The following PTK2 variants were observed in gnomAD, a reference collection of about 807,000 sequenced individuals.
PTK2 encodes protein tyrosine kinase 2.
PTK2 carries 45 observed loss-of-function variants against 150.1 expected under a neutral mutation model. The ratio of observed to expected loss-of-function variants is 0.30; its 90% CI spans 0.24 to 0.38. The LOEUF is 0.38. PTK2 is among the 10% of genes least tolerant of loss of function. The probability of loss-of-function intolerance (pLI) is 1.00; values close to 1 mark genes in which losing one functional copy is unlikely to be tolerated. For synonymous variants in PTK2, 432 were observed against 449.2 expected, an observed-to-expected ratio of 0.96 and a Z score of 0.48; for missense variants, 919 against 1,307.3, an observed-to-expected ratio of 0.70 and a Z score of 4.58.
chr8:140,751,999 A>G (rs1473162399), intron 17 of PTK2: 3 of 674,402 alleles, frequency 4.4e-6, no homozygotes, highest in Non-Finnish European at 8.3e-6. Flanking sequence ...TAAGTACCAA[A>G]GTATAAAGTA....
chr8:140,744,209 CAG>C (rs746650604), intron 19 of PTK2, among the ~76,000 whole-genome samples: 10 of 151,344 alleles, frequency 6.6e-5, no homozygotes, highest in Non-Finnish European at 1.5e-4. Context: ...AGGCTATAAA[CAG>C]AAATTCCACA....
intron 5 of PTK2, among the ~76,000 whole-genome samples, chr8:140,857,937 A>G (rs561561385): frequency 2.0e-5 from 3 of 152,368 alleles, no homozygotes; most frequent in East Asian, 3.9e-4. Flanking sequence ...GAAAGCCACC[A>G]ACAACAAACG....
intron 12 of PTK2, 43 bp from the exon 13 acceptor site, chr8:140,793,427 C>T (rs781395057): frequency 6.3e-7 from 1 of 1,593,766 alleles, no homozygotes; most frequent in Admixed American, 1.8e-5. Context: ...TCTTTTCACT[C>T]CTTTTGAAAA....
chr8:140,744,711 C>A lies in PTK2; in HGVS notation c.1575G>T (p.Leu525=), dbSNP rs771964603. Residue 525 remains leucine (L), a synonymous_variant, in exon 19 of 32, where the codon CTG becomes CTT. Transcript: ENST00000522684. ...GAGCTGTACTAAGCTGATAGGCATA[C>A]AGGATCAAAGATGCTAGATCCAAAC... The A allele has an allele frequency of 6.2e-6, 10 of 1,605,148 alleles. No individual in the cohort carries two copies. In the South Asian group the frequency reaches 1.0e-4, roughly 16 times the overall value.
intron 4 of PTK2, among the ~76,000 whole-genome samples, chr8:140,870,960 C>T (rs1015176790): frequency 6.6e-6 from 1 of 151,452 alleles, no homozygotes; most frequent in African/African-American, 2.4e-5. Flanking sequence ...TTGCCTGTTA[C>T]AACTGAAGAG....
intron 26 of PTK2, among the ~76,000 whole-genome samples, chr8:140,692,429 C>T (rs144323813): frequency 2.0e-5 from 3 of 152,230 alleles, no homozygotes; most frequent in East Asian, 1.9e-4. Flanking sequence ...CCAGCCTGGC[C>T]AACATGGTGA....
chr8:140,930,126 T>A (rs547690300), intron 1 of PTK2, among the ~76,000 whole-genome samples: 1 of 152,236 alleles, frequency 6.6e-6, no homozygotes, highest in East Asian at 1.9e-4. Flanking sequence ...GCTTATAATA[T>A]GTTTATTTGT....
chr8:140,861,833 C>T (rs543514488), intron 5 of PTK2, among the ~76,000 whole-genome samples: 3 of 152,302 alleles, frequency 2.0e-5, no homozygotes, highest in African/African-American at 7.2e-5. Flanking sequence ...TTCATTAACA[C>T]TTAACTATAC....
chr8:140,933,937 C>G (rs954300835), intron 1 of PTK2, among the ~76,000 whole-genome samples: 15 of 150,022 alleles, frequency 1.0e-4, no homozygotes, highest in African/African-American at 3.7e-4. Context: ...GTGCCACACA[C>G]GAGGAAGATA....
At chr8:140,751,568 T>C (rs1398126817) in intron 17 of PTK2, among the ~76,000 whole-genome samples, 1 of 152,056 alleles carries the variant, frequency 6.6e-6, no homozygotes, top group African/African-American at 2.4e-5. Flanking sequence ...CTCGGCTTAC[T>C]GCAACCTCCC....
intron 7 of PTK2, among the ~76,000 whole-genome samples, chr8:140,843,112 A>C (rs1261678740): frequency 6.6e-6 from 1 of 152,072 alleles, no homozygotes; most frequent in Non-Finnish European, 1.5e-5. Flanking sequence ...CTCTTCTCTG[A>C]TCATCTGAAG....
intron 13 of PTK2, among the ~76,000 whole-genome samples, chr8:140,791,575 G>C (rs1456532950): frequency 6.6e-6 from 1 of 152,160 alleles, no homozygotes; most frequent in Non-Finnish European, 1.5e-5. Flanking sequence ...TGGCTGGGGA[G>C]GGTAGACAAG....
chr8:140,756,077 C>A (rs2100065510), intron 16 of PTK2, among the ~76,000 whole-genome samples: 1 of 152,124 alleles, frequency 6.6e-6, no homozygotes. Flanking sequence ...GTAATCCCAG[C>A]ACACTGGGAG....
intron 16 of PTK2, among the ~76,000 whole-genome samples, chr8:140,755,071 A>G (rs2100064853): frequency 6.6e-6 from 1 of 152,270 alleles, no homozygotes; most frequent in South Asian, 2.1e-4. Flanking sequence ...CTCTGAATTA[A>G]TAACAGCTAG....
chr8:140,914,238 G>A (rs985297063), intron 2 of PTK2, among the ~76,000 whole-genome samples: 26 of 151,560 alleles, frequency 1.7e-4, no homozygotes, highest in African/African-American at 6.3e-4. Flanking sequence ...AAATATTCAG[G>A]GATAACTGTT....
chr8:140,717,314 C>T (rs2100040237), intron 23 of PTK2, among the ~76,000 whole-genome samples: 1 of 152,180 alleles, frequency 6.6e-6, no homozygotes, highest in African/African-American at 2.4e-5. Context: ...AAAGGAAAAA[C>T]CTCCTCCAAG....
chr8:140,777,540 C>A (rs996247560), intron 14 of PTK2, among the ~76,000 whole-genome samples: 1 of 152,184 alleles, frequency 6.6e-6, no homozygotes, highest in Non-Finnish European at 1.5e-5. Context: ...TGGGCAGGGA[C>A]AAATATCCAA....
intron 23 of PTK2, among the ~76,000 whole-genome samples, chr8:140,714,796 C>CA (rs398010102): frequency 0.33 from 15,377 of 46,590 alleles, 3,710 homozygotes; most frequent in Middle Eastern, 0.46. Flanking sequence ...GGCTCTGTCT[C>CA]AAAAAAAAAA....
chr8:140,816,370 T>G (rs957417228), intron 10 of PTK2, among the ~76,000 whole-genome samples: 13 of 152,182 alleles, frequency 8.5e-5, no homozygotes, highest in African/African-American at 3.1e-4. Flanking sequence ...TTCACAAAAT[T>G]TCACAAAAAT....
Sources: gnomAD v4.1 joint callset for allele counts (sites outside exome capture counted in the v4.1 genomes callset) on GRCh38, gnomAD v4.1.1 for gene constraint, MANE v1.5 for transcripts, NCBI Gene and HGNC (gene_info 2026-07-23, HGNC 2026-07-21) for gene names.